MEGF6: variants seen among roughly 807,000 people sequenced by gnomAD.
The protein encoded by MEGF6 is multiple EGF like domains 6.
A neutral mutation model predicts 207.1 loss-of-function variants in MEGF6; 184 were observed. That is an observed-to-expected ratio of 0.89 (90% CI 0.79 to 1.00). The LOEUF is 1.00. MEGF6 is among the 50% of genes least tolerant of loss of function. The pLI, the probability that MEGF6 is intolerant of heterozygous loss-of-function variation, is 0.00. For synonymous variants in MEGF6, 1,038 were observed against 910.0 expected (o/e 1.14, Z -2.53); for missense variants, 2,282 against 2,202.9 (o/e 1.04, Z -0.72).
At chr1:3,604,317 A>C (rs1425641327) in intron 1 of MEGF6, among the ~76,000 whole-genome samples, 1 of 152,148 alleles carries the variant, frequency 6.6e-6, no homozygotes, top group Non-Finnish European at 1.5e-5. Context: ...GGCCCAGGTG[A>C]CTGCAGGGTG....
In MEGF6 at chr1:3,560,829, G is replaced by A. The variant is rs570461024; in HGVS notation, c.481+18996C>T. On this transcript the variant is annotated intron_variant, in intron 4 of 36. Transcript: ENST00000356575. The surrounding 1 kb of genome is among the most constrained non-coding windows in gnomAD (Gnocchi z 4.0). Reference sequence around the variant, plus strand: ...GGAGCAGCCAGGAACAGCCTCAGGCGTCGGCCGCGAGGGGGTTGCTGGGCT... The same window carrying A: ...GGAGCAGCCAGGAACAGCCTCAGGCATCGGCCGCGAGGGGGTTGCTGGGCT... The A allele has an allele frequency of 1.2e-4, 55 of 455,168 alleles. No individual in the cohort carries two copies. Among genetic ancestry groups the A allele is most frequent in the South Asian group, 5.4e-4 (34 of 63,164 alleles). The allele number at this position is 455,168 out of a possible 1,614,324, so 28.2% of individuals were successfully genotyped here. A position where few individuals can be genotyped will look rare whatever the true frequency, so the allele number is the denominator to read the frequency against.
chr1:3,591,028 G>A (rs72855409), intron 3 of MEGF6, among the ~76,000 whole-genome samples: 4 of 152,272 alleles, frequency 2.6e-5, no homozygotes, highest in Admixed American at 6.5e-5. Context: ...GTGAGCAGCC[G>A]TGTGTGACTC....
At chr1:3,532,807 A>G (rs1317822224) in intron 4 of MEGF6, among the ~76,000 whole-genome samples, 2 of 152,194 alleles carry the variant, frequency 1.3e-5, no homozygotes, top group African/African-American at 4.8e-5. Flanking sequence ...GCTGTGGGGA[A>G]GAAGGACTGC....
chr1:3,499,436 CCAA>C, intron 23 of MEGF6, 149 bp downstream of exon 23: 4 of 1,404,720 alleles, frequency 2.8e-6, no homozygotes, highest in Non-Finnish European at 3.8e-6. Flanking sequence ...CAAAAAAGGA[CCAA>C]CGCTCTGGCC....
chr1:3,581,299 C>G (rs1447563442), intron 3 of MEGF6, among the ~76,000 whole-genome samples: 1 of 152,162 alleles, frequency 6.6e-6, no homozygotes. Flanking sequence ...ACCATTGCCC[C>G]AGGCATGGCG....
At chr1:3,534,582 G>A (rs1642271152) in intron 4 of MEGF6, among the ~76,000 whole-genome samples, 1 of 152,180 alleles carries the variant, frequency 6.6e-6, no homozygotes, top group African/African-American at 2.4e-5. Flanking sequence ...ACAAACGTGG[G>A]AGTGGGAGGC....
chr1:3,497,244 C>T lies in MEGF6; in HGVS notation c.3470G>A (p.Gly1157Asp). Residue 1157 changes from glycine to aspartate, a missense_variant, in exon 27 of 37, where the codon GGC becomes GAC. Gly to Asp is a moderately conservative substitution (Grantham distance 94). Coordinates refer to ENST00000356575, the MANE Select transcript of MEGF6 (RefSeq NM_001409.4). ...TTGGGAGCACCTACCCTGCTCGCAGCCGGAGCCAGTGAAGCCAGGGGGACA... is the reference window on the plus strand; with the variant it reads ...TTGGGAGCACCTACCCTGCTCGCAGTCGGAGCCAGTGAAGCCAGGGGGACA... The part of the protein sequence containing the change: ...CRCPPGFTGS[G>D]CEQACPPGSF... 1 of 1,498,218 alleles carries T rather than the reference C, an allele frequency of 6.7e-7. No homozygotes were observed. Among genetic ancestry groups the T allele is most frequent in the Middle Eastern group, 1.8e-4 (1 of 5,566 alleles). The allele number at this position is 1,498,218 out of a possible 1,614,324, so 92.8% of individuals were successfully genotyped here. A position where few individuals can be genotyped will look rare whatever the true frequency, so the allele number is the denominator to read the frequency against.
At chr1:3,513,577 CTTTTTTTTT>C (rs757815891) in intron 7 of MEGF6, among the ~76,000 whole-genome samples, 3 of 56,566 alleles carry the variant, frequency 5.3e-5, no homozygotes, top group South Asian at 6.7e-4. Context: ...CACACCTGGG[CTTTTTTTTT>C]TTTTTTTTTT....
chr1:3,550,279 T>A (rs1310013107), intron 4 of MEGF6, among the ~76,000 whole-genome samples: 1 of 152,040 alleles, frequency 6.6e-6, no homozygotes. Context: ...GCCACCCGGG[T>A]GCCCACCAGC....
chr1:3,574,307 C>T (rs1359110774), intron 4 of MEGF6, among the ~76,000 whole-genome samples: 2 of 152,056 alleles, frequency 1.3e-5, no homozygotes, highest in African/African-American at 2.4e-5. Context: ...TCATTCCCGA[C>T]CCCGTACCTC....
chr1:3,493,548 C>T, intron 34 of MEGF6: 4 of 623,300 alleles, frequency 6.4e-6, no homozygotes, highest in Non-Finnish European at 1.1e-5. Context: ...GTGGGGGCCA[C>T]ACGGCAGGGC....
At chr1:3,535,854 C>G (rs940156400) in intron 4 of MEGF6, among the ~76,000 whole-genome samples, 1 of 152,218 alleles carries the variant, frequency 6.6e-6, no homozygotes, top group Non-Finnish European at 1.5e-5. Context: ...CCTTCGGGTT[C>G]CTCCAGGGGA....
intron 17 of MEGF6, among the ~76,000 whole-genome samples, chr1:3,502,135 C>T (rs1040215592): frequency 2.7e-5 from 1 of 36,964 alleles, no homozygotes; most frequent in Non-Finnish European, 5.3e-5. Context: ...GGGGGTGGGG[C>T]TGCTGAGCAC....
intron 4 of MEGF6, among the ~76,000 whole-genome samples, chr1:3,562,578 C>G (rs1032884024): frequency 6.6e-6 from 1 of 152,218 alleles, no homozygotes; most frequent in Non-Finnish European, 1.5e-5. Flanking sequence ...GAGTGCAGAT[C>G]AAGAAGAATA....
At chr1:3,501,773 C>T in intron 18 of MEGF6, 23 bp downstream of exon 18, 1 of 1,608,516 alleles carries the variant, frequency 6.2e-7, no homozygotes, top group Non-Finnish European at 8.5e-7. Flanking sequence ...GGAGGCGGAA[C>T]TGGGGCTGCG....
In MEGF6 at chr1:3,607,870, T is replaced by C. The variant is rs545795798; in HGVS notation, c.131+3268A>G. On this transcript the variant is annotated intron_variant, in intron 1 of 36. Coordinates refer to ENST00000356575, the MANE Select transcript of MEGF6 (RefSeq NM_001409.4). ...ACGGGCAAGAGATGGGCGGGCATGCTGCGGGGTCCCTCCAGGGCAGGCAGC... is the reference window on the plus strand; with the variant it reads ...ACGGGCAAGAGATGGGCGGGCATGCCGCGGGGTCCCTCCAGGGCAGGCAGC... 2.0e-5 allele frequency among the ~76,000 whole-genome samples: 3 copies of C among 152,306 alleles called. No homozygotes were observed. In the East Asian group the frequency reaches 5.8e-4, roughly 29 times the overall value.
intron 17 of MEGF6, among the ~76,000 whole-genome samples, chr1:3,502,613 G>C (rs1450016117): frequency 1.3e-5 from 2 of 152,152 alleles, no homozygotes; most frequent in African/African-American, 4.8e-5. Flanking sequence ...GAGACCCCAG[G>C]GAGCACAGAG....
At position 3,594,276 on chromosome 1, in the gene MEGF6, A is replaced by G. The variant is rs531037582; in HGVS notation, c.376+1062T>C. 1.3e-5 allele frequency among the ~76,000 whole-genome samples: 2 copies of G among 152,254 alleles called. No homozygotes were observed. Among genetic ancestry groups the G allele is most frequent in the South Asian group, 4.2e-4 (2 of 4,818 alleles). Reference sequence around the variant, plus strand: ...AGACCCTGTCTCTACAAAAAATACAATAATTATTCAAGCGTGGTGGTGCAC... The same window carrying G: ...AGACCCTGTCTCTACAAAAAATACAGTAATTATTCAAGCGTGGTGGTGCAC... On this transcript the variant is annotated intron_variant, in intron 3 of 36. Transcript: ENST00000356575. This position sits in a 1 kb window ranked among gnomAD's most constrained non-coding sequence, Gnocchi z 4.2.
intron 4 of MEGF6, among the ~76,000 whole-genome samples, chr1:3,528,283 C>G (rs1006087854): frequency 1.3e-5 from 2 of 152,194 alleles, no homozygotes; most frequent in Admixed American, 1.3e-4. Context: ...AAGGTAGGAA[C>G]GCGTCACCCA....
Sources: allele counts gnomAD v4.1 joint callset (sites outside exome capture counted in the v4.1 genomes callset), GRCh38; gene constraint gnomAD v4.1.1; non-coding constraint Gnocchi (gnomAD v3.1); transcripts MANE v1.5; gene names NCBI Gene and HGNC (gene_info 2026-07-23, HGNC 2026-07-21).